The following SRPK2 variants were observed in gnomAD, a reference collection of about 807,000 sequenced individuals.
SRPK2 encodes SRSF protein kinase 2.
Under a neutral mutation model 90.8 loss-of-function variants are expected in SRPK2, and 21 were observed. The observed-to-expected ratio is 0.23, with a 90% CI of 0.16 to 0.33. The LOEUF is 0.33. Ranked by LOEUF, SRPK2 falls within the 10% of genes least tolerant of loss-of-function variation. The pLI, the probability that SRPK2 is intolerant of heterozygous loss-of-function variation, is 1.00. For synonymous variants in SRPK2, 288 were observed against 311.1 expected (o/e 0.93, Z 0.78); for missense variants, 620 against 869.0 (o/e 0.71, Z 3.60).
At chr7:105,170,792 G>GGAGC (rs1790753285) in intron 3 of SRPK2, among the ~76,000 whole-genome samples, 1 of 100,338 alleles carries the variant, frequency 1.0e-5, no homozygotes, top group Non-Finnish European at 2.0e-5. Flanking sequence ...CGGGAGGGAG[G>GGAGC]GAGGGAGGGA....
At chr7:105,322,552 C>T (rs1357114435) in intron 2 of SRPK2, among the ~76,000 whole-genome samples, 1 of 152,060 alleles carries the variant, frequency 6.6e-6, no homozygotes, top group Admixed American at 6.5e-5. Context: ...GACAAAAATG[C>T]ATATTGGCTC....
At chr7:105,248,919 C>T (rs1191341109) in intron 2 of SRPK2, among the ~76,000 whole-genome samples, 2 of 149,858 alleles carry the variant, frequency 1.3e-5, no homozygotes, top group Non-Finnish European at 3.0e-5. Flanking sequence ...GACCGAAGCT[C>T]CATCTCAAAA....
At chr7:105,229,701 T>A (rs191615817) in intron 2 of SRPK2, among the ~76,000 whole-genome samples, 3 of 151,326 alleles carry the variant, frequency 2.0e-5, no homozygotes. Flanking sequence ...CTCAGAGAAC[T>A]GAGGTTAAGA....
chr7:105,204,865 GT>G, intron 2 of SRPK2: 9 of 443,564 alleles, frequency 2.0e-5, no homozygotes, highest in South Asian at 1.8e-4. Context: ...AGCCCTAGTT[GT>G]TGAGAGCAGG....
At chr7:105,388,950 A>G (rs1056226788), upstream of SRPK2, 2 of 1,171,038 alleles carry the variant, frequency 1.7e-6, no homozygotes, top group Admixed American at 4.7e-5. Context: ...CCGCTCCAGC[A>G]GGGACCCAGC....
intron 2 of SRPK2, among the ~76,000 whole-genome samples, chr7:105,368,980 T>C (rs915863456): frequency 6.6e-6 from 1 of 151,282 alleles, no homozygotes; most frequent in African/African-American, 2.4e-5. Flanking sequence ...GACTTCAAAC[T>C]GTGTTCTTCA....
At chr7:105,263,439 T>C (rs1345767145) in intron 2 of SRPK2, among the ~76,000 whole-genome samples, 1 of 152,198 alleles carries the variant, frequency 6.6e-6, no homozygotes, top group Admixed American at 6.5e-5. Flanking sequence ...TCATGAATAC[T>C]GTACAGATAT....
chr7:105,182,083 T>C (rs902773285), intron 3 of SRPK2, among the ~76,000 whole-genome samples: 1 of 150,980 alleles, frequency 6.6e-6, no homozygotes, highest in South Asian at 2.1e-4. Flanking sequence ...ACAAAAAAAT[T>C]AGCCAAGCGT....
intron 2 of SRPK2, among the ~76,000 whole-genome samples, chr7:105,231,471 G>A (rs1490444313): frequency 6.6e-6 from 1 of 152,130 alleles, no homozygotes; most frequent in Non-Finnish European, 1.5e-5. Flanking sequence ...TCTGTTTTTA[G>A]CTCTTTGAGG....
chr7:105,171,884 G>GT (rs967484386), intron 3 of SRPK2, among the ~76,000 whole-genome samples: 3 of 151,966 alleles, frequency 2.0e-5, no homozygotes, highest in African/African-American at 7.2e-5. Flanking sequence ...TTATAATACA[G>GT]TTATTTATTT....
At chr7:105,217,100 A>G (rs779726782) in intron 2 of SRPK2, among the ~76,000 whole-genome samples, 1 of 152,224 alleles carries the variant, frequency 6.6e-6, no homozygotes, top group African/African-American at 2.4e-5. Flanking sequence ...GCCTTTTGGC[A>G]TATCTGGAGT....
chr7:105,170,416 G>C (rs1010063483), intron 3 of SRPK2, among the ~76,000 whole-genome samples: 7 of 151,974 alleles, frequency 4.6e-5, no homozygotes, highest in East Asian at 1.9e-4. Context: ...AATGAGGCCG[G>C]GCACGGTGGC....
chr7:105,269,524 T>C (rs1805543507), intron 2 of SRPK2, among the ~76,000 whole-genome samples: 1 of 152,186 alleles, frequency 6.6e-6, no homozygotes, highest in African/African-American at 2.4e-5. Context: ...ACAGTACAAG[T>C]GAACAGCAAC....
chr7:105,321,497 T>C (rs1812934352), intron 2 of SRPK2, among the ~76,000 whole-genome samples: 1 of 152,108 alleles, frequency 6.6e-6, no homozygotes, highest in Non-Finnish European at 1.5e-5. Flanking sequence ...TTAAAAACTT[T>C]TCTGCATCAA....
chr7:105,347,357 A>G (rs1816587506), intron 2 of SRPK2, among the ~76,000 whole-genome samples: 1 of 151,614 alleles, frequency 6.6e-6, no homozygotes, highest in Non-Finnish European at 1.5e-5. Flanking sequence ...TGCCTGGCTA[A>G]TTTTTTCTTT....
intron 2 of SRPK2, among the ~76,000 whole-genome samples, chr7:105,385,211 C>CG (rs933184384): frequency 1.3e-5 from 1 of 75,702 alleles, no homozygotes; most frequent in African/African-American, 5.4e-5. Context: ...GATGGAGTCT[C>CG]GCTCTGTCGC....
intron 7 of SRPK2, among the ~76,000 whole-genome samples, chr7:105,159,228 G>A (rs1807040860): frequency 6.6e-6 from 1 of 151,968 alleles, no homozygotes; most frequent in African/African-American, 2.4e-5. Context: ...GTTCACACCT[G>A]TAATCCCAGC....
intron 4 of SRPK2, among the ~76,000 whole-genome samples, chr7:105,168,745 A>ATGTGTGCGTGTGTGTGTGTG (rs1790415342): frequency 9.6e-6 from 1 of 104,008 alleles, no homozygotes; most frequent in Non-Finnish European, 2.1e-5. Context: ...CACGCACCAA[A>ATGTGTGCGTGTGTGTGTGTG]TGTGTGTGTG....
chr7:105,260,962 A>G (rs908120070), intron 2 of SRPK2, among the ~76,000 whole-genome samples: 6 of 149,820 alleles, frequency 4.0e-5, no homozygotes, highest in Admixed American at 3.4e-4. Flanking sequence ...CAGGAAACCA[A>G]TATGGCACAT....
Sources: allele counts gnomAD v4.1 joint callset (sites outside exome capture counted in the v4.1 genomes callset), GRCh38; gene constraint gnomAD v4.1.1; transcripts MANE v1.5; gene names NCBI Gene and HGNC (gene_info 2026-07-23, HGNC 2026-07-21).